The following LINGO2 variants were observed in gnomAD, a reference collection of about 807,000 sequenced individuals.
LINGO2 encodes the protein leucine rich repeat and Ig domain containing 2, also known as leucine-rich repeat and immunoglobulin-like domain-containing nogo receptor-interacting protein 2.
In LINGO2, 14 loss-of-function variants were observed where a neutral mutation model predicts 30.6. The ratio of observed to expected loss-of-function variants is 0.46; its 90% CI spans 0.30 to 0.72. LINGO2 has a LOEUF of 0.72. LINGO2 is among the 30% of genes least tolerant of loss of function. The pLI is 0.07. For missense variants in LINGO2, 729 were observed against 751.7 expected (o/e 0.97, Z 0.35); for synonymous variants, 317 against 288.5 (o/e 1.10, Z -1.00).
intron 4 of LINGO2, among the ~76,000 whole-genome samples, chr9:28,199,345 T>TTCTTC (rs763087259): frequency 2.3e-5 from 2 of 86,070 alleles, no homozygotes; most frequent in South Asian, 6.2e-4. Context: ...CTTCTTCTTC[T>TTCTTC]TTTTTTTTTT....
At chr9:28,175,840 T>TCCATTGGAGCTCC (rs1208261387) in intron 4 of LINGO2, among the ~76,000 whole-genome samples, 1 of 152,226 alleles carries the variant, frequency 6.6e-6, no homozygotes, top group Non-Finnish European at 1.5e-5. Flanking sequence ...ATGTATCAAC[T>TCCATTGGAGCTCC]GTATGAGCTC....
the LINGO2 span, among the ~76,000 whole-genome samples, chr9:28,966,509 G>A: frequency 3.3e-5 from 5 of 151,986 alleles, no homozygotes; most frequent in African/African-American, 1.2e-4. Context: ...GCCATCATGC[G>A]TTAGTCATAT....
intron 3 of LINGO2, among the ~76,000 whole-genome samples, chr9:28,305,942 A>T (rs960046962): frequency 3.3e-5 from 5 of 152,022 alleles, no homozygotes; most frequent in African/African-American, 1.2e-4. Context: ...AATTTAAAAG[A>T]TCTCTCTCTA....
At chr9:28,785,941 C>A in the LINGO2 span, among the ~76,000 whole-genome samples, 1 of 152,172 alleles carries the variant, frequency 6.6e-6, no homozygotes, top group Non-Finnish European at 1.5e-5. Context: ...TGTCTAAATT[C>A]TCCAAACTAC....
intron 4 of LINGO2, among the ~76,000 whole-genome samples, chr9:28,189,052 C>A (rs1034095546): frequency 8.4e-5 from 6 of 71,254 alleles, no homozygotes; most frequent in Admixed American, 3.4e-4. Context: ...GAGGATATAT[C>A]CCAGAAAAGT....
the LINGO2 span, among the ~76,000 whole-genome samples, chr9:29,077,779 TG>T: frequency 6.6e-6 from 1 of 151,612 alleles, no homozygotes; most frequent in Non-Finnish European, 1.5e-5. Context: ...TGAAACAATG[TG>T]GGGAAACATA....
chr9:28,391,729 CCTT>C (rs1348112207), intron 2 of LINGO2, among the ~76,000 whole-genome samples: 2 of 152,012 alleles, frequency 1.3e-5, no homozygotes, highest in Non-Finnish European at 2.9e-5. Flanking sequence ...CCTGACCCCT[CCTT>C]ATCACATGGA....
At chr9:28,325,428 A>G (rs555627790) in intron 3 of LINGO2, among the ~76,000 whole-genome samples, 9 of 152,158 alleles carry the variant, frequency 5.9e-5, no homozygotes, top group African/African-American at 2.2e-4. Context: ...AAGAAAACAC[A>G]CACGGTCTGA....
Position 28,530,434 on chromosome 9 carries a change from A to T in LINGO2, c.-364-54409T>A, listed in dbSNP as rs191133489. 1.9e-3 allele frequency among the ~76,000 whole-genome samples: 288 copies of T among 152,078 alleles called. 3 individuals carry two copies. Among genetic ancestry groups the T allele is most frequent in the African/African-American group, 6.4e-3 (267 of 41,508 alleles). On this transcript the variant is annotated intron_variant, in intron 1 of 5. Transcript: ENST00000379992. ...GGAATGCCTTTGCCCCAGCAAAAAT[A>T]AAAAAAAGTGTGTGATGTCTTCATT... is the stretch of plus-strand genomic sequence containing the variant.
intron 4 of LINGO2, among the ~76,000 whole-genome samples, chr9:28,070,311 A>C (rs1044115418): frequency 1.3e-5 from 2 of 152,132 alleles, no homozygotes; most frequent in Non-Finnish European, 2.9e-5. Context: ...TCTTGGTGGA[A>C]GCAAATCAGG....
chr9:29,136,591 T>C, the LINGO2 span, among the ~76,000 whole-genome samples: 1 of 152,332 alleles, frequency 6.6e-6, no homozygotes, highest in East Asian at 1.9e-4. Flanking sequence ...CCTGTAGCAC[T>C]TCTCTCTGCT....
intron 3 of LINGO2, among the ~76,000 whole-genome samples, chr9:28,312,749 T>A (rs962516707): frequency 6.6e-6 from 1 of 152,138 alleles, no homozygotes; most frequent in African/African-American, 2.4e-5. Context: ...TGAAATAAAA[T>A]CAGTAGTGGC....
chr9:28,131,149 T>G (rs1476988736), intron 4 of LINGO2, among the ~76,000 whole-genome samples: 1 of 151,472 alleles, frequency 6.6e-6, no homozygotes, highest in African/African-American at 2.4e-5. Flanking sequence ...AGGGAAAAAT[T>G]CCAAAATCAT....
the LINGO2 span, among the ~76,000 whole-genome samples, chr9:28,787,350 T>C: frequency 6.6e-6 from 1 of 152,206 alleles, no homozygotes; most frequent in Non-Finnish European, 1.5e-5. Flanking sequence ...TGTATATAAC[T>C]GTATCTATAC....
the LINGO2 span, among the ~76,000 whole-genome samples, chr9:28,801,248 A>G: frequency 6.6e-6 from 1 of 152,070 alleles, no homozygotes; most frequent in Non-Finnish European, 1.5e-5. Context: ...GCTGTTCAAG[A>G]TAGGTGGGGG....
chr9:28,001,955 A>C (rs563230834), intron 5 of LINGO2, among the ~76,000 whole-genome samples: 4 of 152,364 alleles, frequency 2.6e-5, no homozygotes, highest in African/African-American at 9.6e-5. Flanking sequence ...CACACCACAC[A>C]GTTGAAAATT....
At chr9:29,037,104 A>T in the LINGO2 span, among the ~76,000 whole-genome samples, 1 of 152,008 alleles carries the variant, frequency 6.6e-6, no homozygotes, top group Admixed American at 6.6e-5. Context: ...TCCCCACTAC[A>T]AATAACTTGC....
the LINGO2 span, among the ~76,000 whole-genome samples, chr9:28,919,483 C>T: frequency 5.3e-5 from 8 of 152,080 alleles, no homozygotes; most frequent in African/African-American, 1.9e-4. Context: ...AGTAACATCA[C>T]TTGATGTTAT....
At chr9:28,669,663 C>T (rs573308623) in intron 1 of LINGO2, among the ~76,000 whole-genome samples, 23 of 151,998 alleles carry the variant, frequency 1.5e-4, no homozygotes, top group African/African-American at 5.3e-4. Context: ...GAAGTCACTC[C>T]CATCACACAT....
Sources: gnomAD v4.1 joint callset for allele counts (sites outside exome capture counted in the v4.1 genomes callset) on GRCh38, gnomAD v4.1.1 for gene constraint, MANE v1.5 for transcripts, NCBI Gene and HGNC (gene_info 2026-07-23, HGNC 2026-07-21) for gene names.